Variants in ZNF804B observed in about 807,000 individuals in gnomAD.
The protein encoded by ZNF804B is zinc finger protein 804B.
A neutral mutation model predicts 101.4 loss-of-function variants in ZNF804B; 80 were observed. The ratio of observed to expected loss-of-function variants is 0.79; its 90% CI spans 0.66 to 0.95. The LOEUF (loss-of-function observed/expected upper bound fraction) is 0.95, where lower values mean the gene tolerates loss of function less well. Ranked by LOEUF, ZNF804B falls within the 40% of genes least tolerant of loss-of-function variation. The pLI is 0.00. For missense variants in ZNF804B, 1,673 were observed against 1,561.9 expected, an observed-to-expected ratio of 1.07 and a Z score of -1.20; for synonymous variants, 622 against 558.8, an observed-to-expected ratio of 1.11 and a Z score of -1.59.
chr7:89,206,504 C>T lies in ZNF804B; in HGVS notation c.109-11651C>T, dbSNP rs369110609. 1.2e-3 allele frequency among the ~76,000 whole-genome samples: 181 copies of T among 152,228 alleles called. 2 individuals carry two copies. In the South Asian group the frequency reaches 0.019, roughly 16 times the overall value. The stretch of plus-strand genomic sequence containing the variant: ...CGGTGGCTCATGCCTGTAATCCCAA[C>T]GCTTTGGGAGGCCGAGGAGAGTGGA... On this transcript the variant is annotated intron_variant, in intron 1 of 3. Transcript: ENST00000333190.
chr7:89,034,984 T>A (rs1788903129), intron 1 of ZNF804B, among the ~76,000 whole-genome samples: 1 of 152,176 alleles, frequency 6.6e-6, no homozygotes, highest in Non-Finnish European at 1.5e-5. Context: ...TTGAGGAAAC[T>A]GCAGTGTGAA....
At chr7:88,778,709 C>A (rs767843129) in intron 1 of ZNF804B, among the ~76,000 whole-genome samples, 11 of 152,116 alleles carry the variant, frequency 7.2e-5, no homozygotes, top group Non-Finnish European at 1.6e-4. Context: ...TCCAATCTAC[C>A]CCTACCCTGC....
intron 2 of ZNF804B, among the ~76,000 whole-genome samples, chr7:89,267,702 T>C (rs1348131737): frequency 1.3e-5 from 2 of 152,188 alleles, no homozygotes; most frequent in African/African-American, 2.4e-5. Context: ...AAGGAGTCAT[T>C]TTCTAATAGA....
At position 88,854,527 on chromosome 7, in the gene ZNF804B, T is replaced by TTTCCTTTCCTTCCCTTCCCTTCCC. The variant is rs1791519535; in HGVS notation, c.108+94449_108+94450insTCCTTCCCTTCCCTTCCCTTCCTT. The stretch of plus-strand genomic sequence containing the variant: ...CTTTCCTTTCCTTTCCTTTCCTTCC[T>TTTCCTTTCCTTCCCTTCCCTTCCC]TTCCTTCCTTCCTTCCTTCCTTCCT... On this transcript the variant is annotated intron_variant, in intron 1 of 3. Transcript: ENST00000333190. Among the ~76,000 whole-genome samples the TTTCCTTTCCTTCCCTTCCCTTCCC allele has an allele frequency of 4.7e-4, 19 of 40,072 alleles. 1 individual carries two copies. Among genetic ancestry groups the TTTCCTTTCCTTCCCTTCCCTTCCC allele is most frequent in the East Asian group, 2.2e-3 (2 of 922 alleles). The allele number at this position is 40,072 out of a possible 152,430, so 26.3% of individuals were successfully genotyped here. A position where few individuals can be genotyped will look rare whatever the true frequency, so the allele number is the denominator to read the frequency against.
intron 1 of ZNF804B, among the ~76,000 whole-genome samples, chr7:89,126,281 G>A (rs2116373187): frequency 6.6e-6 from 1 of 151,962 alleles, no homozygotes; most frequent in African/African-American, 2.4e-5. Flanking sequence ...TATATTTTTG[G>A]AATAAAGGTA....
intron 1 of ZNF804B, among the ~76,000 whole-genome samples, chr7:89,007,446 T>TATATATATATATA (rs1788382638): frequency 5.2e-5 from 3 of 57,198 alleles, no homozygotes; most frequent in Non-Finnish European, 9.5e-5. Flanking sequence ...ATCCATGATT[T>TATATATATATATA]TATATATATA....
chr7:89,105,622 A>G (rs1039816979), intron 1 of ZNF804B, among the ~76,000 whole-genome samples: 2 of 152,048 alleles, frequency 1.3e-5, no homozygotes. Context: ...AACTATAACC[A>G]TCATCAACAC....
rs949730312 is a variant in ZNF804B, at chr7:89,273,560, GTTTAATA to G, written c.250-53780_250-53774del. Among the ~76,000 whole-genome samples, 4 of 152,114 alleles carry G rather than the reference GTTTAATA, an allele frequency of 2.6e-5. 1 individual carries two copies. Among genetic ancestry groups the G allele is most frequent in the Admixed American group, 2.6e-4 (4 of 15,246 alleles). ...TAGAAGCTTACAAACAACATGCTCAGTTTAATATTTTCCATTTGCAAAGTATGACACA... is the reference window on the plus strand; with the variant it reads ...TAGAAGCTTACAAACAACATGCTCAGTTTTCCATTTGCAAAGTATGACACA... On this transcript the variant is annotated intron_variant, in intron 2 of 3. Coordinates refer to ENST00000333190, the MANE Select transcript of ZNF804B (RefSeq NM_181646.5).
rs548359186 is a variant in ZNF804B at position 88,785,889 on chromosome 7, G to T, written c.108+25805G>T. 5.9e-5 allele frequency among the ~76,000 whole-genome samples: 9 copies of T among 152,192 alleles called. No individual in the cohort carries two copies. In the South Asian group the frequency reaches 1.5e-3, roughly 25 times the overall value. On this transcript the variant is annotated intron_variant, in intron 1 of 3. Transcript: ENST00000333190. ...ATCCCTGTGTCTTTGTTCTCTTAGA[G>T]GCATTCCTGATCCTCTAAATTAGGT...
intron 1 of ZNF804B, among the ~76,000 whole-genome samples, chr7:88,777,846 T>TAA (rs3084379): frequency 0.18 from 19,199 of 107,284 alleles, 2,063 homozygotes; most frequent in African/African-American, 0.31. Context: ...AGACTCCATC[T>TAA]AAAAAAAAAA....
At chr7:89,064,866 G>C (rs1005341478) in intron 1 of ZNF804B, among the ~76,000 whole-genome samples, 10 of 152,120 alleles carry the variant, frequency 6.6e-5, no homozygotes, top group African/African-American at 2.4e-4. Context: ...CTGATTACCT[G>C]TTCTCTGCAT....
chr7:88,940,038 AAATT>A (rs1455149904), intron 1 of ZNF804B, among the ~76,000 whole-genome samples: 2 of 147,334 alleles, frequency 1.4e-5, no homozygotes, highest in African/African-American at 2.7e-5. Flanking sequence ...AAAAAATCTT[AAATT>A]AATTCATGTA....
chr7:89,050,919 A>G (rs1183345083), intron 1 of ZNF804B, among the ~76,000 whole-genome samples: 3 of 152,002 alleles, frequency 2.0e-5, no homozygotes, highest in African/African-American at 2.4e-5. Context: ...ATAACTCATT[A>G]TCATTTTGTT....
intron 1 of ZNF804B, among the ~76,000 whole-genome samples, chr7:88,760,771 A>G (rs1789882796): frequency 6.6e-6 from 1 of 151,280 alleles, no homozygotes; most frequent in East Asian, 1.9e-4. Flanking sequence ...AATTTCATCC[A>G]GATTATATGA....
chr7:89,113,740 C>T (rs145577743), intron 1 of ZNF804B, among the ~76,000 whole-genome samples: 3,888 of 152,160 alleles, frequency 0.026, 141 homozygotes, highest in African/African-American at 0.088. Flanking sequence ...ATCATGAGGT[C>T]AGGAGATTGA....
chr7:88,849,824 G>T (rs13221250), intron 1 of ZNF804B, among the ~76,000 whole-genome samples: 32,415 of 151,080 alleles, frequency 0.21, 3,730 homozygotes, highest in East Asian at 0.43. Flanking sequence ...TAATTGCAAG[G>T]TTATTTTAAA....
intron 2 of ZNF804B, among the ~76,000 whole-genome samples, chr7:89,259,569 C>T (rs1236506312): frequency 2.0e-5 from 3 of 152,132 alleles, no homozygotes; most frequent in African/African-American, 7.2e-5. Context: ...ACAAGACTTT[C>T]CATAGAATGC....
intron 2 of ZNF804B, among the ~76,000 whole-genome samples, chr7:89,293,342 A>G (rs1335442092): frequency 1.3e-5 from 2 of 152,150 alleles, no homozygotes; most frequent in Non-Finnish European, 2.9e-5. Context: ...CACCATATAT[A>G]CATGTATGAA....
intron 1 of ZNF804B, among the ~76,000 whole-genome samples, chr7:89,213,245 G>A (rs1006735992): frequency 2.0e-5 from 3 of 152,164 alleles, no homozygotes; most frequent in African/African-American, 7.2e-5. Context: ...CTCAGCAGCA[G>A]CCACTTGATT....
Sources: gnomAD v4.1 joint callset for allele counts (sites outside exome capture counted in the v4.1 genomes callset) on GRCh38, gnomAD v4.1.1 for gene constraint, MANE v1.5 for transcripts, NCBI Gene and HGNC (gene_info 2026-07-23, HGNC 2026-07-21) for gene names.